The following FMN2 variants were observed in gnomAD, a reference collection of about 807,000 sequenced individuals.
FMN2 encodes the protein formin 2, also known as formin-2.
FMN2 carries 51 observed loss-of-function variants against 142.3 expected under a neutral mutation model. That is an observed-to-expected ratio of 0.36 (90% CI 0.29 to 0.45). The LOEUF (loss-of-function observed/expected upper bound fraction) is 0.45, where lower values mean the gene tolerates loss of function less well. FMN2 is among the 20% of genes least tolerant of loss of function. FMN2 has a pLI of 1.00. For synonymous variants in FMN2, 882 were observed against 869.8 expected (o/e 1.01, Z -0.25); for missense variants, 1,936 against 2,122.8 (o/e 0.91, Z 1.73).
In FMN2 at chr1:240,208,460, G is replaced by T. The variant is rs1368428368; in HGVS notation, c.3648G>T (p.Gly1216=). The T allele has an allele frequency of 6.2e-7, 1 of 1,608,846 alleles. No individual in the cohort carries two copies. Among genetic ancestry groups the T allele is most frequent in the African/African-American group, 1.4e-5 (1 of 73,626 alleles). ...CACCTCCTCCCTTGCCAGGTATGGG[G>T]ATTCCACCTGCTCCAGCTCCCCCAC... The part of the protein sequence containing the change: ...IPPPPPLPGM[G]IPPAPAPPLP... The change falls in exon 5 of 18, where the codon GGG becomes GGT. Residue 1216 remains glycine (G), a synonymous_variant. Transcript: ENST00000319653.
intron 8 of FMN2, 101 bp from the exon 9 acceptor site, chr1:240,328,975 C>A: frequency 1.1e-6 from 1 of 945,702 alleles, no homozygotes; most frequent in East Asian, 2.6e-5. Flanking sequence ...TATAGCGTTT[C>A]GCTGTATTCA....
In FMN2 at chr1:240,093,676, G is replaced by A. The variant is rs1661095137; in HGVS notation, c.1567G>A (p.Ala523Thr). The A allele has an allele frequency of 7.3e-7, 1 of 1,368,208 alleles. No homozygotes were observed. The highest frequency in any genetic ancestry group is 2.9e-5 in the East Asian group (1 of 35,056). 84.8% of individuals were successfully genotyped at this position (1,368,208 alleles called of 1,614,324 possible). ...GGTGTCCCCAGCACTGGCCGCCAAG[G>A]CGTCTGGGGCCCCCGCGGCTGCGGA... ...GGVSPALAAK[A>T]SGAPAAADGF... is the part of the protein sequence containing the mutation. The change falls in exon 1 of 18, where the codon GCG (alanine) becomes ACG (threonine). Residue 523 changes from alanine (A) to threonine (T), a missense_variant. By Grantham distance (58) the Ala-to-Thr change is moderately conservative. Around this residue, in one of 8 missense-constraint regions of FMN2, gnomAD observed 751 missense variants for 791.8 expected, o/e 0.95. Coordinates refer to ENST00000319653, the MANE Select transcript of FMN2 (RefSeq NM_020066.5).
chr1:240,334,249 T>G lies in FMN2; in HGVS notation c.4765+20T>G. 2 of 1,569,242 alleles carry G rather than the reference T, an allele frequency of 1.3e-6. No individual in the cohort carries two copies. The highest frequency in any genetic ancestry group is 8.6e-7 in the Non-Finnish European group (1 of 1,165,828). On this transcript the variant is annotated intron_variant, in intron 13 of 17. Transcript: ENST00000319653. ...TGAAAGGTAACTTAAAATCCTGAACTCATGTTTTCTGTTTATGCTTTTTTA... is the reference window on the plus strand; with the variant it reads ...TGAAAGGTAACTTAAAATCCTGAACGCATGTTTTCTGTTTATGCTTTTTTA...
At chr1:240,333,235 A>G (rs1360056195) in intron 11 of FMN2, among the ~76,000 whole-genome samples, 1 of 152,166 alleles carries the variant, frequency 6.6e-6, no homozygotes. Flanking sequence ...GAAGTGTGTT[A>G]GATATGAAAC....
intron 1 of FMN2, among the ~76,000 whole-genome samples, chr1:240,118,608 T>G (rs1403801134): frequency 6.6e-6 from 1 of 152,150 alleles, no homozygotes; most frequent in Non-Finnish European, 1.5e-5. Flanking sequence ...AACTTTGGAA[T>G]TGATCTTCTG....
chr1:240,100,082 GTTGAA>G (rs1661363277), intron 1 of FMN2, among the ~76,000 whole-genome samples: 1 of 152,180 alleles, frequency 6.6e-6, no homozygotes, highest in Admixed American at 6.5e-5. Flanking sequence ...ATTAAAACTA[GTTGAA>G]TTGAAGCTGG....
chr1:240,160,073 G>A (rs1664220492), intron 2 of FMN2, among the ~76,000 whole-genome samples: 1 of 149,832 alleles, frequency 6.7e-6, no homozygotes, highest in African/African-American at 2.5e-5. Flanking sequence ...TAAAATAAGA[G>A]TGTTAACAAA....
At chr1:240,320,870 C>CG (rs1428270719) in intron 8 of FMN2, among the ~76,000 whole-genome samples, 1 of 152,112 alleles carries the variant, frequency 6.6e-6, no homozygotes, top group Non-Finnish European at 1.5e-5. Flanking sequence ...GCAAAAGCAG[C>CG]GGTAGGTAAA....
rs1670042318 is a variant in FMN2, at chr1:240,297,731, A to G, written c.4215+2848A>G. Among the ~76,000 whole-genome samples the G allele has an allele frequency of 2.0e-5, 3 of 152,316 alleles. No homozygotes were observed. In the South Asian group the frequency reaches 6.2e-4, roughly 32 times the overall value. ...CCAGAATCTTATCTTACTTCATGAA[A>G]GTAGAAAAAGTACTGTGTCTTAGTC... On this transcript the variant is annotated intron_variant, in intron 8 of 17. Coordinates refer to ENST00000319653, the MANE Select transcript of FMN2 (RefSeq NM_020066.5).
At chr1:240,284,682 A>T (rs1464368980) in intron 7 of FMN2, among the ~76,000 whole-genome samples, 1 of 152,182 alleles carries the variant, frequency 6.6e-6, no homozygotes, top group Admixed American at 6.6e-5. Context: ...AAGGCAGAGA[A>T]ACTTTCTAAG....
intron 2 of FMN2, chr1:240,145,389 C>T (rs2103260897): frequency 1.9e-6 from 1 of 523,328 alleles, no homozygotes; most frequent in Non-Finnish European, 3.3e-6. Context: ...GCTGCCACTG[C>T]CCTTTATTTT....
At chr1:240,342,202 T>C (rs1027588873) in intron 13 of FMN2, among the ~76,000 whole-genome samples, 2 of 152,248 alleles carry the variant, frequency 1.3e-5, no homozygotes, top group African/African-American at 4.8e-5. Flanking sequence ...GTTTCCTCTT[T>C]ATATGTTACC....
chr1:240,432,014 C>G (rs2103165636), intron 15 of FMN2, among the ~76,000 whole-genome samples: 1 of 151,794 alleles, frequency 6.6e-6, no homozygotes, highest in African/African-American at 2.4e-5. Flanking sequence ...AGTATACCCT[C>G]TTCTATTTTC....
intron 1 of FMN2, 38 bp downstream of exon 1, chr1:240,093,762 C>A (rs1253710458): frequency 3.9e-6 from 5 of 1,280,942 alleles, no homozygotes; most frequent in Admixed American, 8.2e-5. Context: ...GGTCTCAAGT[C>A]GCCTGTCAGT....
chr1:240,126,058 A>G (rs1571954973), intron 2 of FMN2, among the ~76,000 whole-genome samples: 1 of 152,204 alleles, frequency 6.6e-6, no homozygotes, highest in Non-Finnish European at 1.5e-5. Context: ...GTTATGCCCT[A>G]TACTTAAATA....
intron 7 of FMN2, among the ~76,000 whole-genome samples, chr1:240,272,450 A>T (rs151320473): frequency 2.0e-5 from 3 of 152,296 alleles, no homozygotes; most frequent in African/African-American, 7.2e-5. Context: ...AGCCCCTTTC[A>T]TAAGTAGAGT....
chr1:240,385,847 T>C (rs1344147150), intron 14 of FMN2, among the ~76,000 whole-genome samples: 1 of 152,132 alleles, frequency 6.6e-6, no homozygotes, highest in African/African-American at 2.4e-5. Context: ...AGCCCCCATA[T>C]GTTTATATAC....
rs144171160 is a variant in FMN2, at chr1:240,145,278, G to T, written c.1782+21933G>T. On this transcript the variant is annotated intron_variant, in intron 2 of 17. Transcript: ENST00000319653. ...TTGTCCTTGTCCCCGGCATCCCGCC[G>T]CTCCTTGCCGCTTGGCTTCTCATCC... The T allele has an allele frequency of 1.7e-5, 24 of 1,423,856 alleles. No individual in the cohort carries two copies. The East Asian group carries it at 5.7e-4, about 34-fold the overall frequency. 88.2% of individuals were successfully genotyped at this position (1,423,856 alleles called of 1,614,324 possible).
At position 240,207,594 on chromosome 1, in the gene FMN2, G is replaced by A. The variant is rs150996647; in HGVS notation, c.2782G>A (p.Gly928Arg). ...CATACCTCCTCCGCCGCCTCTACCCGGAGCAGGCATACTCCCTCTGCCCCC... is the reference window on the plus strand; with the variant it reads ...CATACCTCCTCCGCCGCCTCTACCCAGAGCAGGCATACTCCCTCTGCCCCC... ...AGIPPPPPLP[G>R]AGILPLPPLP... Residue 928 changes from glycine to arginine, a missense_variant, in exon 5 of 18, where the codon GGA becomes AGA. Physicochemically the swap from Gly to Arg is moderately radical, Grantham distance 125 (BLOSUM62 -2). Around this residue, in one of 8 missense-constraint regions of FMN2, gnomAD observed 478 missense variants for 462.8 expected, o/e 1.03. Transcript: ENST00000319653. 175 of 1,573,806 alleles carry A rather than the reference G, an allele frequency of 1.1e-4. No individual in the cohort carries two copies. Among genetic ancestry groups the A allele is most frequent in the South Asian group, 3.5e-4 (30 of 85,828 alleles).
Sources: gnomAD v4.1 joint callset for allele counts (sites outside exome capture counted in the v4.1 genomes callset) on GRCh38, gnomAD v4.1.1 for gene constraint, gnomAD v4.1.1 regional missense constraint, MANE v1.5 for transcripts, NCBI Gene and HGNC (gene_info 2026-07-23, HGNC 2026-07-21) for gene names.